Variants in TMEM44 observed in about 807,000 individuals in gnomAD.
TMEM44 encodes the protein transmembrane protein 44.
In TMEM44, 43 loss-of-function variants were observed where a neutral mutation model predicts 47.8. The observed-to-expected ratio is 0.90, with a 90% CI of 0.70 to 1.16. TMEM44 has a LOEUF of 1.16. TMEM44 is among the 50% of genes most tolerant of loss of function. The pLI is 0.00. For synonymous variants in TMEM44, 277 were observed against 238.8 expected (o/e 1.16, Z -1.48); for missense variants, 568 against 555.2 (o/e 1.02, Z -0.23).
chr3:194,623,411 G>A, intron 4 of TMEM44, 101 bp from the exon 5 acceptor site: 1 of 1,504,020 alleles, frequency 6.6e-7, no homozygotes, highest in Non-Finnish European at 9.0e-7. Flanking sequence ...TGCTTTTAGA[G>A]GGTTCTTCCA....
intron 3 of TMEM44, among the ~76,000 whole-genome samples, chr3:194,625,396 C>G (rs7643371): frequency 0.79 from 118,861 of 149,694 alleles, 47,480 homozygotes; most frequent in East Asian, 0.97. Context: ...CACCTCCAAG[C>G]TGGCAGCCCT....
intron 9 of TMEM44, among the ~76,000 whole-genome samples, chr3:194,602,287 A>G (rs1195701218): frequency 6.6e-6 from 1 of 152,208 alleles, no homozygotes; most frequent in Non-Finnish European, 1.5e-5. Context: ...CACGGCCAGC[A>G]GTGGAAGTGG....
chr3:194,633,291 G>A lies in TMEM44; in HGVS notation c.-76C>T, dbSNP rs1718034383. The A allele has an allele frequency of 1.4e-6, 1 of 697,320 alleles. No individual in the cohort carries two copies. Among genetic ancestry groups the A allele is most frequent in the Non-Finnish European group, 1.8e-6 (1 of 559,016 alleles). 43.2% of individuals were successfully genotyped at this position (697,320 alleles called of 1,614,324 possible). On this transcript the variant is annotated 5_prime_UTR_variant, in exon 1 of 10. Coordinates refer to ENST00000347147, the MANE Select transcript of TMEM44 (RefSeq NM_001011655.3). ...TCGCCGCGGGCAAGCCCCGAGCGCC[G>A]CCGCCCCGCGTGCCCTTCTCTGGGT...
chr3:194,624,728 C>CT lies in TMEM44; in HGVS notation c.359-1034dup, dbSNP rs55987964. On this transcript the variant is annotated intron_variant, in intron 3 of 9. Transcript: ENST00000347147. Reference sequence around the variant, plus strand: ...GCCACCACACCACTTGGTTCATCCCCTTTTTTTTTTTGAGACAGAGTTTTG... The same window carrying CT: ...GCCACCACACCACTTGGTTCATCCCCTTTTTTTTTTTTGAGACAGAGTTTTG... Among the ~76,000 whole-genome samples, 13 of 150,376 alleles carry CT rather than the reference C, an allele frequency of 8.6e-5. 1 individual carries two copies. The highest frequency in any genetic ancestry group is 1.3e-4 in the Admixed American group (2 of 15,140).
intron 9 of TMEM44, among the ~76,000 whole-genome samples, chr3:194,599,562 T>C (rs1713820667): frequency 6.9e-6 from 1 of 145,290 alleles, no homozygotes; most frequent in South Asian, 2.1e-4. Flanking sequence ...TTCGCAAATT[T>C]TCTTTTCATT....
At chr3:194,606,880 G>A (rs1714828506) in intron 8 of TMEM44, among the ~76,000 whole-genome samples, 1 of 146,598 alleles carries the variant, frequency 6.8e-6, no homozygotes, top group Admixed American at 7.0e-5. Flanking sequence ...TTGAACACAG[G>A]AGGTGTGGGT....
chr3:194,617,314 A>G, intron 5 of TMEM44, 45 bp from the exon 6 acceptor site: 1 of 1,478,728 alleles, frequency 6.8e-7, no homozygotes. Context: ...GCAGCAGATC[A>G]CAAGACCCAG....
intron 1 of TMEM44, 35 bp downstream of exon 1, chr3:194,633,044 C>G: frequency 7.1e-7 from 1 of 1,401,454 alleles, no homozygotes; most frequent in South Asian, 1.3e-5. Context: ...GCCCGTTTCC[C>G]CGCCCGACAG....
intron 6 of TMEM44, 51 bp downstream of exon 6, chr3:194,617,048 C>T: frequency 1.4e-6 from 2 of 1,439,788 alleles, no homozygotes; most frequent in African/African-American, 2.9e-5. Context: ...GGACGAGACA[C>T]AGGCCTCCTC....
chr3:194,599,369 T>G (rs911916992), intron 9 of TMEM44, among the ~76,000 whole-genome samples: 2 of 152,062 alleles, frequency 1.3e-5, no homozygotes, highest in African/African-American at 4.8e-5. Flanking sequence ...GTGGTGACAC[T>G]TCACCTGCTC....
chr3:194,624,950 A>G (rs565096313), intron 3 of TMEM44, among the ~76,000 whole-genome samples: 73 of 151,214 alleles, frequency 4.8e-4, no homozygotes, highest in African/African-American at 1.6e-3. Context: ...TCCTGACCTC[A>G]AAATGATCTG....
At chr3:194,596,820 G>A (rs1713469176) in intron 9 of TMEM44, 1 of 152,156 alleles carries the variant, frequency 6.6e-6, no homozygotes, top group South Asian at 2.1e-4. Flanking sequence ...GTTTCCCTTT[G>A]GGGCCCAGTG....
At chr3:194,629,852 C>T (rs13078426) in intron 1 of TMEM44, among the ~76,000 whole-genome samples, 1 of 87,062 alleles carries the variant, frequency 1.1e-5, no homozygotes. Context: ...TGAAATAATA[C>T]GCTGTCGTAC....
intron 5 of TMEM44, among the ~76,000 whole-genome samples, chr3:194,621,064 A>G (rs1451638803): frequency 2.6e-5 from 4 of 150,974 alleles, no homozygotes; most frequent in Non-Finnish European, 5.9e-5. Context: ...CCCAACCCCC[A>G]GTGTCTGTGA....
At position 194,598,487 on chromosome 3, in the gene TMEM44, ACTT is replaced by A. The variant is rs1317408447; in HGVS notation, c.1176+5797_1176+5799del. On this transcript the variant is annotated intron_variant, in intron 9 of 9. Coordinates refer to ENST00000347147, the MANE Select transcript of TMEM44 (RefSeq NM_001011655.3). Reference sequence around the variant, plus strand: ...ACTGGGTTCAAACCCCAGCCCTGCCACTTCTTCTTATCACCATTATTATGTTTT... The same window carrying A: ...ACTGGGTTCAAACCCCAGCCCTGCCACTTCTTATCACCATTATTATGTTTT... 7.9e-5 allele frequency among the ~76,000 whole-genome samples: 12 copies of A among 152,262 alleles called. No individual in the cohort carries two copies. In the South Asian group the frequency reaches 8.3e-4, roughly 11 times the overall value.
chr3:194,607,417 A>C (rs1714893456), intron 8 of TMEM44, among the ~76,000 whole-genome samples: 1 of 152,208 alleles, frequency 6.6e-6, no homozygotes. Flanking sequence ...TGTTGGGCTC[A>C]TTTTTATTAA....
chr3:194,595,721 G>A (rs1303135829), intron 9 of TMEM44, among the ~76,000 whole-genome samples: 1 of 151,838 alleles, frequency 6.6e-6, no homozygotes, highest in Admixed American at 6.6e-5. Flanking sequence ...CGCCTCCCGG[G>A]TCCAGGTGAT....
At chr3:194,608,498 G>A (rs753089487) in intron 8 of TMEM44, among the ~76,000 whole-genome samples, 5 of 152,206 alleles carry the variant, frequency 3.3e-5, no homozygotes, top group East Asian at 1.9e-4. Context: ...GTAAAAGATC[G>A]TGATAAGTGC....
At chr3:194,632,254 C>T (rs1230344011) in intron 1 of TMEM44, among the ~76,000 whole-genome samples, 1 of 152,158 alleles carries the variant, frequency 6.6e-6, no homozygotes, top group Non-Finnish European at 1.5e-5. Context: ...TATTGCAGTA[C>T]TGGGTAGTGG....
Sources: gnomAD v4.1 joint callset for allele counts (sites outside exome capture counted in the v4.1 genomes callset) on GRCh38, gnomAD v4.1.1 for gene constraint, MANE v1.5 for transcripts, NCBI Gene and HGNC (gene_info 2026-07-23, HGNC 2026-07-21) for gene names.